Variants in RPH3A observed in about 807,000 individuals in gnomAD.
RPH3A encodes the protein rabphilin-3A.
A neutral mutation model predicts 102.2 loss-of-function variants in RPH3A; 48 were observed. The ratio of observed to expected loss-of-function variants is 0.47; its 90% confidence interval spans 0.37 to 0.60. The LOEUF (loss-of-function observed/expected upper bound fraction) is 0.60. RPH3A is among the 20% of genes least tolerant of loss of function. The pLI, the probability that RPH3A is intolerant of heterozygous loss-of-function variation, is 0.00. For missense variants in RPH3A, 781 were observed against 910.1 expected (o/e 0.86, Z 1.83); for synonymous variants, 310 against 324.3 (o/e 0.96, Z 0.47).
At chr12:112,808,585 G>C (rs1222245507) in intron 2 of RPH3A, among the ~76,000 whole-genome samples, 1 of 152,222 alleles carries the variant, frequency 6.6e-6, no homozygotes, top group Non-Finnish European at 1.5e-5. Context: ...TGAATTACTA[G>C]CTGTGATTCA....
At chr12:112,887,292 A>C (rs1485040792) in intron 16 of RPH3A, among the ~76,000 whole-genome samples, 1 of 152,282 alleles carries the variant, frequency 6.6e-6, no homozygotes, top group Admixed American at 6.5e-5. Flanking sequence ...TACACAGTGG[A>C]ATACTATGCA....
chr12:112,597,012 C>T (rs2039522242), intron 1 of RPH3A, among the ~76,000 whole-genome samples: 1 of 152,148 alleles, frequency 6.6e-6, no homozygotes. Flanking sequence ...CTTTTTTCTA[C>T]TGTTTGTTGC....
At chr12:112,758,289 CT>C (rs932631843) in intron 1 of RPH3A, among the ~76,000 whole-genome samples, 4 of 152,198 alleles carry the variant, frequency 2.6e-5, no homozygotes, top group African/African-American at 9.7e-5. Flanking sequence ...CCTTTTGTCT[CT>C]TTTTTTCCTC....
exon 1 of RPH3A, chr12:112,575,279 TGGAGGCGGC>T (rs2039348868): frequency 6.6e-6 from 1 of 152,210 alleles, no homozygotes; most frequent in African/African-American, 2.4e-5. Context: ...GCGACACCGC[TGGAGGCGGC>T]GGAGGGACGG....
intron 1 of RPH3A, among the ~76,000 whole-genome samples, chr12:112,645,415 A>C (rs986478921): frequency 6.6e-6 from 1 of 152,190 alleles, no homozygotes; most frequent in Non-Finnish European, 1.5e-5. Context: ...ACCCAGGCAC[A>C]TTATGGATCT....
chr12:112,863,754 C>T (rs924367612), intron 5 of RPH3A, among the ~76,000 whole-genome samples: 5 of 152,364 alleles, frequency 3.3e-5, no homozygotes, highest in Non-Finnish European at 5.9e-5. Context: ...GGTGGCAATG[C>T]ACTTCATGCC....
chr12:112,664,140 C>T (rs1316008959), intron 1 of RPH3A, among the ~76,000 whole-genome samples: 3 of 152,004 alleles, frequency 2.0e-5, no homozygotes, highest in Non-Finnish European at 2.9e-5. Context: ...AAGGGAAGAA[C>T]GTGTGCAAAA....
At chr12:112,879,601 C>T (rs920667236) in intron 14 of RPH3A, among the ~76,000 whole-genome samples, 5 of 152,202 alleles carry the variant, frequency 3.3e-5, no homozygotes, top group African/African-American at 7.2e-5. Flanking sequence ...TCTGCTGAAG[C>T]GGCTGTCACT....
chr12:112,851,837 T>G (rs2042328896), intron 5 of RPH3A, among the ~76,000 whole-genome samples: 2 of 152,208 alleles, frequency 1.3e-5, no homozygotes, highest in African/African-American at 4.8e-5. Flanking sequence ...ATTTCAGAAT[T>G]TATTTTGCAT....
At chr12:112,835,028 T>A (rs1030556707) in intron 3 of RPH3A, among the ~76,000 whole-genome samples, 4 of 152,220 alleles carry the variant, frequency 2.6e-5, no homozygotes, top group South Asian at 2.1e-4. Context: ...GCATTTTTTT[T>A]AAAGTTTGCT....
intron 1 of RPH3A, among the ~76,000 whole-genome samples, chr12:112,585,842 A>G (rs1592894183): frequency 6.6e-6 from 1 of 152,346 alleles, no homozygotes; most frequent in East Asian, 1.9e-4. Flanking sequence ...GAGATTCAAT[A>G]AGGACCAAGA....
chr12:112,827,885 C>T (rs4766658), intron 2 of RPH3A, among the ~76,000 whole-genome samples: 1 of 143,294 alleles, frequency 7.0e-6, no homozygotes, highest in African/African-American at 2.7e-5. Flanking sequence ...TATCCCGGAA[C>T]TTAAGTATAA....
chr12:112,632,611 T>C (rs1045078491), intron 1 of RPH3A, among the ~76,000 whole-genome samples: 4 of 152,176 alleles, frequency 2.6e-5, no homozygotes, highest in African/African-American at 9.7e-5. Context: ...GGTGGCTTTA[T>C]CAACTTACAT....
chr12:112,826,131 G>A (rs1400072348), intron 2 of RPH3A, among the ~76,000 whole-genome samples: 3 of 152,094 alleles, frequency 2.0e-5, no homozygotes, highest in African/African-American at 7.2e-5. Context: ...AAACTGAGCG[G>A]TCAGGGAGGC....
rs114936752 is a variant in RPH3A at position 112,631,087 on chromosome 12, C to T, written c.-140+55768C>T. On this transcript the variant is annotated intron_variant, in intron 1 of 21. Coordinates refer to the RPH3A transcript ENST00000543106. ...CTTGCATCTATCTGTAGAGTTTTTA[C>T]AGGTGCACAGTGGGTAACTCAGATG... 1.4e-3 allele frequency among the ~76,000 whole-genome samples: 206 copies of T among 152,226 alleles called. 2 individuals are homozygous for T. The highest frequency in any genetic ancestry group is 4.9e-3 in the African/African-American group (202 of 41,522).
At chr12:112,615,430 C>T (rs1213934585) in intron 1 of RPH3A, among the ~76,000 whole-genome samples, 1 of 152,174 alleles carries the variant, frequency 6.6e-6, no homozygotes, top group African/African-American at 2.4e-5. Flanking sequence ...TGGCTCTGGC[C>T]ACTAGAGAGG....
intron 16 of RPH3A, among the ~76,000 whole-genome samples, 180 bp from the exon 17 acceptor site, chr12:112,887,617 A>G (rs1417972588): frequency 6.6e-6 from 1 of 152,256 alleles, no homozygotes; most frequent in East Asian, 1.9e-4. Flanking sequence ...ACTGCATGTC[A>G]GTTATACTGC....
Position 112,876,728 on chromosome 12 carries a change from A to T in RPH3A, c.1033A>T (p.Arg345Ter). ...GVGGYPAVGA[R>*]EDRMSHPSGP... ...CGGGGGCTACCCAGCAGTTGGAGCC[A>T]GAGAGGACCGAATGAGCCACCCCTC... The change falls in exon 13 of 22, where the codon AGA becomes TGA. Residue 345 changes from arginine (R) to a stop codon, truncating the protein, a stop_gained. Transcript: ENST00000389385. LOFTEE classifies it high-confidence loss of function. The T allele has an allele frequency of 6.2e-7, 1 of 1,613,458 alleles. No individual in the cohort carries two copies. The highest frequency in any genetic ancestry group is 8.5e-7 in the Non-Finnish European group (1 of 1,179,726).
chr12:112,682,887 G>A (rs997630785), intron 1 of RPH3A, among the ~76,000 whole-genome samples: 15 of 152,106 alleles, frequency 9.9e-5, no homozygotes, highest in Non-Finnish European at 2.9e-5. Context: ...TGAAATGCTG[G>A]TCTCCCACTC....
Sources: gnomAD v4.1 joint callset for allele counts (sites outside exome capture counted in the v4.1 genomes callset) on GRCh38, gnomAD v4.1.1 for gene constraint, MANE v1.5 for transcripts, NCBI Gene and HGNC (gene_info 2026-07-23, HGNC 2026-07-21) for gene names.